Variants in LRPPRC observed in about 807,000 individuals in gnomAD.
LRPPRC encodes leucine rich pentatricopeptide repeat containing, also known as leucine-rich PPR motif-containing protein, mitochondrial.
Under a neutral mutation model 180.3 loss-of-function variants are expected in LRPPRC, and 120 were observed. That is an observed-to-expected ratio of 0.67 (90% CI 0.57 to 0.77). LRPPRC has a LOEUF of 0.77. LRPPRC is among the 30% of genes least tolerant of loss of function. The pLI is 0.00. For missense variants in LRPPRC, 2,012 were observed against 1,657.2 expected (o/e 1.21, Z -3.72); for synonymous variants, 723 against 600.0 (o/e 1.21, Z -3.00).
At chr2:43,920,654 A>G (rs4952692) in intron 27 of LRPPRC, among the ~76,000 whole-genome samples, 45,108 of 151,404 alleles carry the variant, frequency 0.3, 8,241 homozygotes, top group East Asian at 0.95. Context: ...AAGTATTTCA[A>G]GTATGTGAAA....
rs2103721245 is a variant in LRPPRC at position 43,976,160 on chromosome 2, T to C, written c.720A>G (p.Thr240=). The C allele has an allele frequency of 1.2e-6, 2 of 1,607,772 alleles. No homozygotes were observed. Among genetic ancestry groups the C allele is most frequent in the Non-Finnish European group, 1.7e-6 (2 of 1,174,220 alleles). The change falls in exon 6 of 38, where the codon ACA becomes ACG. Residue 240 remains threonine (T), a synonymous_variant. Transcript: ENST00000260665. The part of the protein sequence containing the change: ...VTEAVFSALV[T]GHARAGDMEN... Reference sequence around the variant, plus strand: ...AACATTACCCAGCTCTGGCATGCCCTGTCACAAGGGCACTGAATACTGCCT... The same window carrying C: ...AACATTACCCAGCTCTGGCATGCCCCGTCACAAGGGCACTGAATACTGCCT...
chr2:43,902,562 G>C (rs1670925529), intron 31 of LRPPRC: 1 of 152,006 alleles, frequency 6.6e-6, no homozygotes, highest in South Asian at 2.1e-4. Flanking sequence ...GTTCATTAAT[G>C]AATAAAGAAT....
intron 30 of LRPPRC, among the ~76,000 whole-genome samples, 197 bp from the exon 31 acceptor site, chr2:43,905,977 G>C (rs1310972959): frequency 6.6e-6 from 1 of 152,120 alleles, no homozygotes; most frequent in Non-Finnish European, 1.5e-5. Flanking sequence ...CATTCTGACA[G>C]ATGACAAAGT....
At chr2:43,940,685 T>A (rs2105071554) in intron 23 of LRPPRC, among the ~76,000 whole-genome samples, 1 of 152,266 alleles carries the variant, frequency 6.6e-6, no homozygotes, top group Admixed American at 6.5e-5. Context: ...ATGGATCAGG[T>A]ATAAAACAAG....
intron 8 of LRPPRC, 30 bp downstream of exon 8, chr2:43,974,584 A>G: frequency 7.1e-7 from 1 of 1,407,948 alleles, no homozygotes; most frequent in Non-Finnish European, 9.9e-7. Context: ...TTTTTATAAA[A>G]ATCATGTAAA....
chr2:43,958,174 G>A (rs1278379174), intron 13 of LRPPRC, among the ~76,000 whole-genome samples: 3 of 152,100 alleles, frequency 2.0e-5, no homozygotes, highest in Admixed American at 6.5e-5. Context: ...AACTAGCAAG[G>A]GATGAGATCA....
Position 43,982,395 on chromosome 2 carries a change from G to C in LRPPRC, c.189C>G (p.Ala63=), listed in dbSNP as rs772738147. The change falls in exon 2 of 38, where the codon GCC becomes GCG. Residue 63 remains alanine, a synonymous_variant. Coordinates refer to ENST00000260665, the MANE Select transcript of LRPPRC (RefSeq NM_133259.4). The part of the protein sequence containing the change: ...LSPARLYAIA[A]KEKDIQEEST... ...ACTCCTCTTGAATATCTTTTTCTTT[G>C]GCAGCAATGGCATACAGCCTGGCTG... 1.3e-5 allele frequency: 21 copies of C among 1,613,504 alleles called. No homozygotes were observed. Among genetic ancestry groups the C allele is most frequent in the Non-Finnish European group, 1.7e-6 (2 of 1,179,810 alleles).
At position 43,943,848 on chromosome 2, in the gene LRPPRC, G is replaced by C; in HGVS notation, c.2343C>G (p.Ile781Met). The C allele has an allele frequency of 6.2e-7, 1 of 1,613,208 alleles. No individual in the cohort carries two copies. The highest frequency in any genetic ancestry group is 1.3e-5 in the African/African-American group (1 of 74,970). The change falls in exon 23 of 38, where the codon ATC becomes ATG. Residue 781 changes from isoleucine to methionine, a missense_variant. Transcript: ENST00000260665. Reference sequence around the variant, plus strand: ...AAAAGGACAAGGCTGTTGTATCTTTGATAAGAACATCCTTCTCTTTCATCT... The same window carrying C: ...AAAAGGACAAGGCTGTTGTATCTTTCATAAGAACATCCTTCTCTTTCATCT... ...LKEMKEKDVL[I>M]KDTTALSFFH... is the part of the protein sequence containing the mutation.
chr2:43,947,165 T>C (rs897452872), intron 20 of LRPPRC, 92 bp downstream of exon 20: 15 of 647,232 alleles, frequency 2.3e-5, no homozygotes, highest in Middle Eastern at 8.3e-4. Flanking sequence ...TAACGATCAA[T>C]TGTAAAAATC....
At chr2:43,957,243 T>A in intron 14 of LRPPRC, 142 bp downstream of exon 14, 1 of 710,624 alleles carries the variant, frequency 1.4e-6, no homozygotes, top group African/African-American at 1.8e-5. Flanking sequence ...AAGAAAAAAT[T>A]AAACAAGCAA....
At chr2:43,897,448 C>T (rs1670724797) in intron 34 of LRPPRC, among the ~76,000 whole-genome samples, 1 of 152,236 alleles carries the variant, frequency 6.6e-6, no homozygotes, top group East Asian at 1.9e-4. Context: ...AAAACACTGT[C>T]AATACTAAAA....
At position 43,888,173 on chromosome 2, in the gene LRPPRC, C is replaced by T. The variant is rs902634138; in HGVS notation, c.*427G>A. ...AGTTATGCAGGACTTCACACATGTACGGAATGGCTGTATCACAGAATATTA... is the reference window on the plus strand; with the variant it reads ...AGTTATGCAGGACTTCACACATGTATGGAATGGCTGTATCACAGAATATTA... On this transcript the variant is annotated 3_prime_UTR_variant, in exon 38 of 38. Coordinates refer to ENST00000260665, the MANE Select transcript of LRPPRC (RefSeq NM_133259.4). 9.3e-6 allele frequency: 2 copies of T among 213,986 alleles called. No homozygotes were observed. The highest frequency in any genetic ancestry group is 1.5e-4 in the South Asian group (2 of 13,648). The allele number at this position is 213,986 out of a possible 1,614,324, so 13.3% of individuals were successfully genotyped here.
chr2:43,912,394 T>C (rs763891383), intron 30 of LRPPRC, 38 bp downstream of exon 30: 59 of 1,591,092 alleles, frequency 3.7e-5, no homozygotes, highest in Non-Finnish European at 5.0e-5. Context: ...CAATATTCTT[T>C]TTTAAACAAG....
intron 35 of LRPPRC, 70 bp downstream of exon 35, chr2:43,896,564 T>C (rs987137502): frequency 6.1e-6 from 6 of 989,194 alleles, no homozygotes; most frequent in Admixed American, 1.7e-5. Flanking sequence ...CAGGCTTTTA[T>C]GTTAAATTCA....
chr2:43,949,132 G>T (rs963754118), intron 16 of LRPPRC, among the ~76,000 whole-genome samples: 20 of 152,096 alleles, frequency 1.3e-4, no homozygotes, highest in African/African-American at 4.8e-4. Context: ...ACTTTCAAGA[G>T]GGGTACCATC....
intron 18 of LRPPRC, 101 bp from the exon 19 acceptor site, chr2:43,947,876 C>T (rs1344973634): frequency 1.3e-6 from 1 of 785,080 alleles, no homozygotes; most frequent in Non-Finnish European, 2.3e-6. Context: ...CATATTACTA[C>T]TTTTCATCTT....
At chr2:43,969,187 T>A (rs181502106) in intron 11 of LRPPRC, among the ~76,000 whole-genome samples, 1 of 151,670 alleles carries the variant, frequency 6.6e-6, no homozygotes, top group Non-Finnish European at 1.5e-5. Context: ...CCGAGGCGGG[T>A]GGATCACAAG....
At chr2:43,985,697 T>G (rs1264144655) in intron 1 of LRPPRC, among the ~76,000 whole-genome samples, 1 of 152,238 alleles carries the variant, frequency 6.6e-6, no homozygotes, top group African/African-American at 2.4e-5. Flanking sequence ...AATGTTCTTT[T>G]GTAGATATAC....
intron 1 of LRPPRC, among the ~76,000 whole-genome samples, chr2:43,987,670 T>C (rs1674590429): frequency 6.6e-6 from 1 of 152,176 alleles, no homozygotes; most frequent in Admixed American, 6.6e-5. Flanking sequence ...TCTGAGGCTC[T>C]TGATGAACTC....
Sources: allele counts gnomAD v4.1 joint callset (sites outside exome capture counted in the v4.1 genomes callset), GRCh38; gene constraint gnomAD v4.1.1; transcripts MANE v1.5; gene names NCBI Gene and HGNC (gene_info 2026-07-23, HGNC 2026-07-21).